Variants in CLSTN1 observed in about 807,000 individuals in gnomAD.
CLSTN1 encodes calsyntenin-1.
Under a neutral mutation model 108.3 loss-of-function variants are expected in CLSTN1, and 28 were observed. That is an observed-to-expected ratio of 0.26 (90% CI 0.19 to 0.35). The LOEUF (loss-of-function observed/expected upper bound fraction) is 0.35, where lower values mean the gene tolerates loss of function less well. Among genes scored for constraint, CLSTN1 ranks in the 10% least tolerant of loss-of-function variants. The probability of loss-of-function intolerance (pLI) is 1.00; values close to 1 mark genes in which losing one functional copy is unlikely to be tolerated. For missense variants in CLSTN1, 1,157 were observed against 1,302.6 expected (o/e 0.89, Z 1.72); for synonymous variants, 524 against 534.9 (o/e 0.98, Z 0.28).
At chr1:9,735,723 C>A in intron 12 of CLSTN1, 108 bp from the exon 13 acceptor site, 1 of 1,521,508 alleles carries the variant, frequency 6.6e-7, no homozygotes. Context: ...ATTTGAATTG[C>A]TGACTTGAAA....
At chr1:9,777,210 A>ACT (rs1652995706) in intron 1 of CLSTN1, among the ~76,000 whole-genome samples, 1 of 129,970 alleles carries the variant, frequency 7.7e-6, no homozygotes. Flanking sequence ...ACAGAGCGAG[A>ACT]CTGTCTCAAA....
In CLSTN1 at chr1:9,735,972, G is replaced by A. The variant is rs376403943; in HGVS notation, c.1647C>T (p.Leu549=). The A allele has an allele frequency of 5.6e-5, 91 of 1,614,026 alleles. No homozygotes were observed. Among genetic ancestry groups the A allele is most frequent in the South Asian group, 9.9e-5 (9 of 91,086 alleles). The change falls in exon 12 of 19, where the codon CTC becomes CTT. Residue 549 remains leucine (L), a synonymous_variant. Transcript: ENST00000377298. Reference sequence around the variant, plus strand: ...GACAGTCGATCACCTTCTTATCCGCGAGTTTCCCGGAACGGAGAGTTAAGC... The same window carrying A: ...GACAGTCGATCACCTTCTTATCCGCAAGTTTCCCGGAACGGAGAGTTAAGC... ...LAGLTLRSGK[L]ADKKVIDCLY...
At chr1:9,777,846 T>A (rs1038423595) in intron 1 of CLSTN1, among the ~76,000 whole-genome samples, 2 of 152,126 alleles carry the variant, frequency 1.3e-5, no homozygotes, top group Non-Finnish European at 2.9e-5. Context: ...CTTAATATTG[T>A]TACAGTTCTG....
Position 9,823,677 on chromosome 1 carries a change from C to G in CLSTN1, c.57G>C (p.Gly19=). ...LAPAARLLLA[G]LLCGGGVWAA... ...CCCAGACCCCGCCGCCGCACAGCAG[C>G]CCGGCCAGCAGCAGCCGGGCGGCCG... is the stretch of plus-strand genomic sequence containing the variant. Residue 19 remains glycine (G), a synonymous_variant, in exon 1 of 19, where the codon GGG becomes GGC. Coordinates refer to ENST00000377298, the MANE Select transcript of CLSTN1 (RefSeq NM_001009566.3). The surrounding 1 kb of genome is among the most constrained non-coding windows in gnomAD (Gnocchi z 6.3). 1 of 1,173,012 alleles carries G rather than the reference C, an allele frequency of 8.5e-7. No individual in the cohort carries two copies. Among genetic ancestry groups the G allele is most frequent in the Non-Finnish European group, 1.1e-6 (1 of 949,266 alleles). 72.7% of individuals were successfully genotyped at this position (1,173,012 alleles called of 1,614,324 possible).
At chr1:9,812,167 C>T (rs1367238615) in intron 1 of CLSTN1, among the ~76,000 whole-genome samples, 1 of 152,014 alleles carries the variant, frequency 6.6e-6, no homozygotes, top group East Asian at 1.9e-4. Flanking sequence ...ACATAATCTG[C>T]TTAACAGAAG....
rs1651461927 is a variant in CLSTN1, at chr1:9,749,737, GA to G, written c.799+26del. Reference sequence around the variant, plus strand: ...ATACATCAGTTTTAAGAGCAGATGTGAGCGCAGGGGAGAGAATGAAGCTCAC... The same window carrying G: ...ATACATCAGTTTTAAGAGCAGATGTGGCGCAGGGGAGAGAATGAAGCTCAC... On this transcript the variant is annotated intron_variant, in intron 6 of 18. Coordinates refer to ENST00000377298, the MANE Select transcript of CLSTN1 (RefSeq NM_001009566.3). The G allele has an allele frequency of 3.1e-6, 5 of 1,613,050 alleles. No homozygotes were observed. The East Asian group carries it at 1.1e-4, about 36-fold the overall frequency.
At chr1:9,732,284 G>C (rs1471144177) in intron 16 of CLSTN1, among the ~76,000 whole-genome samples, 1 of 152,074 alleles carries the variant, frequency 6.6e-6, no homozygotes, top group East Asian at 1.9e-4. Flanking sequence ...CTGCAGCCTG[G>C]AACTTCCCTG....
intron 1 of CLSTN1, among the ~76,000 whole-genome samples, chr1:9,800,501 C>T (rs956150640): frequency 2.1e-5 from 3 of 143,564 alleles, no homozygotes; most frequent in African/African-American, 2.6e-5. Flanking sequence ...AGGAGGATCA[C>T]GAGGTCAGGA....
intron 1 of CLSTN1, among the ~76,000 whole-genome samples, chr1:9,788,165 AG>A (rs1331721776): frequency 2.0e-5 from 3 of 151,644 alleles, no homozygotes; most frequent in African/African-American, 4.8e-5. Context: ...GTGAGGTGGG[AG>A]GATCACCTGA....
chr1:9,761,471 T>C (rs1328452424), intron 2 of CLSTN1, among the ~76,000 whole-genome samples: 1 of 152,160 alleles, frequency 6.6e-6, no homozygotes, highest in Non-Finnish European at 1.5e-5. Context: ...CCAGCCTCTG[T>C]ACTCTGGGCG....
At chr1:9,811,732 A>C (rs956370252) in intron 1 of CLSTN1, among the ~76,000 whole-genome samples, 4 of 101,630 alleles carry the variant, frequency 3.9e-5, no homozygotes, top group South Asian at 5.0e-4. Flanking sequence ...AATGCATGGC[A>C]AAAAAAAAAA....
chr1:9,817,580 G>A (rs966358569), intron 1 of CLSTN1, among the ~76,000 whole-genome samples: 30 of 152,140 alleles, frequency 2.0e-4, no homozygotes, highest in African/African-American at 6.0e-4. Context: ...CGCCTGCCTC[G>A]GCCTCCCAAA....
intron 11 of CLSTN1, among the ~76,000 whole-genome samples, chr1:9,736,577 G>T (rs1200496038): frequency 5.9e-5 from 9 of 152,214 alleles, no homozygotes; most frequent in African/African-American, 2.2e-4. Flanking sequence ...TCCTCCTGAG[G>T]ATTGCTGAGA....
At chr1:9,791,424 C>A (rs1029319465) in intron 1 of CLSTN1, among the ~76,000 whole-genome samples, 2 of 151,332 alleles carry the variant, frequency 1.3e-5, no homozygotes, top group South Asian at 4.3e-4. Context: ...GTAGAGAAGG[C>A]GGTCTCACTG....
In CLSTN1 at chr1:9,794,331, T is replaced by C. The variant is rs565322841; in HGVS notation, c.92-20937A>G. On this transcript the variant is annotated intron_variant, in intron 1 of 18. Coordinates refer to ENST00000377298, the MANE Select transcript of CLSTN1 (RefSeq NM_001009566.3). ...TTCACCAATTAAATGTTGTTTGAGA[T>C]TGAGTCTCCCTCTGTCGTCCAGGCT... 2.6e-5 allele frequency among the ~76,000 whole-genome samples: 4 copies of C among 151,506 alleles called. No homozygotes were observed. The South Asian group carries it at 6.5e-4, about 25-fold the overall frequency.
chr1:9,794,073 G>A (rs893279586), intron 1 of CLSTN1, among the ~76,000 whole-genome samples: 1 of 151,340 alleles, frequency 6.6e-6, no homozygotes, highest in Non-Finnish European at 1.5e-5. Context: ...GCTAATGACC[G>A]GTAATGACTT....
At chr1:9,770,737 T>C (rs1299521158) in intron 2 of CLSTN1, among the ~76,000 whole-genome samples, 3 of 152,374 alleles carry the variant, frequency 2.0e-5, no homozygotes, top group East Asian at 3.9e-4. Flanking sequence ...CTCACGCCTA[T>C]AATCCCAGCA....
At chr1:9,814,601 C>CA (rs1654897920) in intron 1 of CLSTN1, among the ~76,000 whole-genome samples, 1 of 152,074 alleles carries the variant, frequency 6.6e-6, no homozygotes, top group African/African-American at 2.4e-5. Flanking sequence ...ACTAGCATAA[C>CA]AAAAATGTAA....
At chr1:9,816,577 GTTTT>G (rs59680252) in intron 1 of CLSTN1, among the ~76,000 whole-genome samples, 114,882 of 150,338 alleles carry the variant, frequency 0.76, 47,085 homozygotes, top group Non-Finnish European at 0.92. Context: ...AAAAAGGTGG[GTTTT>G]TTTGTTTGTT....
Sources: gnomAD v4.1 joint callset for allele counts (sites outside exome capture counted in the v4.1 genomes callset) on GRCh38, gnomAD v4.1.1 for gene constraint, Gnocchi (gnomAD v3.1) non-coding constraint, MANE v1.5 for transcripts, NCBI Gene and HGNC (gene_info 2026-07-23, HGNC 2026-07-21) for gene names.